Variants in ADAMTS17 observed in about 807,000 individuals in gnomAD.
The protein encoded by ADAMTS17 is ADAM metallopeptidase with thrombospondin type 1 motif 17, also known as A disintegrin and metalloproteinase with thrombospondin motifs 17.
Under a neutral mutation model 141.5 loss-of-function variants are expected in ADAMTS17, and 113 were observed. That is an observed-to-expected ratio of 0.80 (90% CI 0.69 to 0.93). The LOEUF (loss-of-function observed/expected upper bound fraction) is 0.93, where lower values mean the gene tolerates loss of function less well. Ranked by LOEUF, ADAMTS17 falls within the 40% of genes least tolerant of loss-of-function variation. ADAMTS17 has a pLI of 0.00. For missense variants in ADAMTS17, 1,659 were observed against 1,517.9 expected (o/e 1.09, Z -1.54); for synonymous variants, 768 against 630.6 (o/e 1.22, Z -3.27).
intron 3 of ADAMTS17, among the ~76,000 whole-genome samples, chr15:100,311,546 A>G (rs758054974): frequency 6.6e-6 from 1 of 152,134 alleles, no homozygotes; most frequent in Non-Finnish European, 1.5e-5. Context: ...TTGAGTTACT[A>G]AAGTGGGGCG....
intron 18 of ADAMTS17, among the ~76,000 whole-genome samples, chr15:100,002,156 T>G (rs909698665): frequency 6.6e-6 from 1 of 152,054 alleles, no homozygotes; most frequent in Non-Finnish European, 1.5e-5. Flanking sequence ...GGGCTGCTTT[T>G]TGTCTCTCAT....
At chr15:99,981,467 T>A (rs1360711932) in intron 20 of ADAMTS17, among the ~76,000 whole-genome samples, 1 of 152,182 alleles carries the variant, frequency 6.6e-6, no homozygotes, top group Non-Finnish European at 1.5e-5. Context: ...GGAGTCCTAG[T>A]GGGCACTGTT....
At chr15:100,290,524 G>C (rs1181603323) in intron 3 of ADAMTS17, among the ~76,000 whole-genome samples, 1 of 152,102 alleles carries the variant, frequency 6.6e-6, no homozygotes, top group Non-Finnish European at 1.5e-5. Context: ...AATTCATATG[G>C]AACCAGGAAA....
intron 3 of ADAMTS17, among the ~76,000 whole-genome samples, chr15:100,319,918 G>A (rs565386452): frequency 3.4e-4 from 51 of 151,996 alleles, no homozygotes; most frequent in South Asian, 2.3e-3. Flanking sequence ...CAGCAAGAGC[G>A]AAACTCTGTC....
At chr15:100,140,703 G>A (rs1282266992) in intron 10 of ADAMTS17, among the ~76,000 whole-genome samples, 1 of 151,698 alleles carries the variant, frequency 6.6e-6, no homozygotes, top group Non-Finnish European at 1.5e-5. Flanking sequence ...GGGTGGACCT[G>A]TTCTAACCCA....
intron 20 of ADAMTS17, among the ~76,000 whole-genome samples, chr15:99,984,949 G>C (rs571834973): frequency 2.0e-5 from 3 of 152,340 alleles, no homozygotes; most frequent in African/African-American, 7.2e-5. Flanking sequence ...GACGGCAGGG[G>C]ACCCAGGAGA....
chr15:100,256,639 G>GT (rs966902884), intron 6 of ADAMTS17: 2 of 152,380 alleles, frequency 1.3e-5, no homozygotes, highest in African/African-American at 4.8e-5. Context: ...GAGTTAGATG[G>GT]TATTATGCTG....
intron 12 of ADAMTS17, among the ~76,000 whole-genome samples, chr15:100,117,416 C>T (rs544471706): frequency 6.6e-6 from 1 of 152,024 alleles, no homozygotes; most frequent in Non-Finnish European, 1.5e-5. Context: ...AAATGCCCCC[C>T]CAGGTATACT....
At chr15:100,285,204 G>A (rs776080541) in intron 3 of ADAMTS17, among the ~76,000 whole-genome samples, 2 of 152,150 alleles carry the variant, frequency 1.3e-5, no homozygotes, top group Non-Finnish European at 1.5e-5. Context: ...ATGTATTTAT[G>A]TAAGATACCT....
At chr15:100,337,125 C>T (rs1435989481) in intron 2 of ADAMTS17, among the ~76,000 whole-genome samples, 5 of 152,242 alleles carry the variant, frequency 3.3e-5, no homozygotes, top group African/African-American at 4.8e-5. Flanking sequence ...CCACCCACCT[C>T]GGCCTTCCAA....
At chr15:100,246,336 T>C (rs754532529) in intron 7 of ADAMTS17, among the ~76,000 whole-genome samples, 1 of 152,166 alleles carries the variant, frequency 6.6e-6, no homozygotes, top group Non-Finnish European at 1.5e-5. Flanking sequence ...AATACTATGA[T>C]GAAAATGAAC....
intron 3 of ADAMTS17, among the ~76,000 whole-genome samples, chr15:100,314,994 C>G (rs965886088): frequency 2.0e-5 from 3 of 152,186 alleles, no homozygotes; most frequent in Non-Finnish European, 4.4e-5. Context: ...AGTGAGGGGT[C>G]CTTATTGTCA....
chr15:100,150,405 T>C (rs1289777791), intron 10 of ADAMTS17, among the ~76,000 whole-genome samples: 5 of 152,138 alleles, frequency 3.3e-5, no homozygotes, highest in African/African-American at 1.2e-4. Context: ...CCCACCCCTT[T>C]CCAGCTGGGT....
At chr15:100,301,241 T>C (rs1043062143) in intron 3 of ADAMTS17, among the ~76,000 whole-genome samples, 4 of 152,156 alleles carry the variant, frequency 2.6e-5, no homozygotes, top group African/African-American at 9.7e-5. Flanking sequence ...TTTAACACTT[T>C]TATATTTATT....
intron 8 of ADAMTS17, among the ~76,000 whole-genome samples, chr15:100,159,861 A>G (rs567134680): frequency 6.6e-6 from 1 of 152,244 alleles, no homozygotes; most frequent in Non-Finnish European, 1.5e-5. Flanking sequence ...GATGTGAAAC[A>G]TTCAGGAATG....
At chr15:99,983,848 G>C (rs1449838865) in intron 20 of ADAMTS17, among the ~76,000 whole-genome samples, 1 of 152,220 alleles carries the variant, frequency 6.6e-6, no homozygotes. Flanking sequence ...ACGGAATCCT[G>C]ACAGTAACTG....
chr15:100,306,190 G>T, intron 3 of ADAMTS17: 1 of 310,788 alleles, frequency 3.2e-6, no homozygotes, highest in South Asian at 2.9e-5. Flanking sequence ...GTGTGAAGAG[G>T]TTTTAAATAA....
At chr15:100,114,493 T>C (rs748384091) in intron 13 of ADAMTS17, among the ~76,000 whole-genome samples, 6 of 152,200 alleles carry the variant, frequency 3.9e-5, no homozygotes. Flanking sequence ...TGTTGGTATT[T>C]GAGAGAAATG....
intron 10 of ADAMTS17, among the ~76,000 whole-genome samples, chr15:100,135,914 G>A (rs1278718313): frequency 6.6e-6 from 1 of 152,212 alleles, no homozygotes. Flanking sequence ...GTAGAATGAA[G>A]AAGATGGAGA....
Sources: allele counts gnomAD v4.1 joint callset (sites outside exome capture counted in the v4.1 genomes callset), GRCh38; gene constraint gnomAD v4.1.1; transcripts MANE v1.5; gene names NCBI Gene and HGNC (gene_info 2026-07-23, HGNC 2026-07-21).